The following CACNB2 variants were observed in gnomAD, a reference collection of about 807,000 sequenced individuals.
CACNB2 encodes the protein voltage-dependent L-type calcium channel subunit beta-2.
In CACNB2, 42 loss-of-function variants were observed where a neutral mutation model predicts 73.3. The ratio of observed to expected loss-of-function variants is 0.57; its 90% CI spans 0.45 to 0.74. The LOEUF (loss-of-function observed/expected upper bound fraction) is 0.74. Among genes scored for constraint, CACNB2 ranks in the 30% least tolerant of loss-of-function variants. The probability of loss-of-function intolerance (pLI) is 0.00; values close to 1 mark genes in which losing one functional copy is unlikely to be tolerated. For synonymous variants in CACNB2, 348 were observed against 310.3 expected, an observed-to-expected ratio of 1.12 and a Z score of -1.28; for missense variants, 940 against 853.0, an observed-to-expected ratio of 1.10 and a Z score of -1.27.
intron 2 of CACNB2, among the ~76,000 whole-genome samples, chr10:18,387,484 C>T (rs569962473): frequency 2.6e-5 from 4 of 152,256 alleles, no homozygotes; most frequent in African/African-American, 9.6e-5. Context: ...TCCCTGCCCT[C>T]CTTTGAGTAT....
At chr10:18,154,008 T>C (rs184800770) in intron 2 of CACNB2, among the ~76,000 whole-genome samples, 8 of 151,826 alleles carry the variant, frequency 5.3e-5, no homozygotes, top group African/African-American at 1.9e-4. Flanking sequence ...CTAGGGAACA[T>C]ATATAATTGG....
chr10:18,333,893 C>T (rs537617439), intron 2 of CACNB2, among the ~76,000 whole-genome samples: 2 of 151,868 alleles, frequency 1.3e-5, no homozygotes, highest in African/African-American at 4.8e-5. Context: ...CTCCTGGCAA[C>T]GTAACATATT....
chr10:18,210,323 G>A (rs755915592), intron 2 of CACNB2, among the ~76,000 whole-genome samples: 1 of 152,180 alleles, frequency 6.6e-6, no homozygotes, highest in African/African-American at 2.4e-5. Context: ...GTGTGTGTAG[G>A]TATACATATA....
intron 2 of CACNB2, among the ~76,000 whole-genome samples, chr10:18,306,826 G>T (rs1317732192): frequency 6.6e-6 from 1 of 152,138 alleles, no homozygotes; most frequent in Non-Finnish European, 1.5e-5. Context: ...ACTGCAGAGG[G>T]TTAGAGATCA....
At chr10:18,197,766 C>CA (rs1208610066) in intron 2 of CACNB2, among the ~76,000 whole-genome samples, 4 of 151,678 alleles carry the variant, frequency 2.6e-5, no homozygotes, top group Non-Finnish European at 4.4e-5. Flanking sequence ...TCCTTTGAGC[C>CA]AAAAAAACAG....
chr10:18,290,951 T>C (rs949061612), intron 2 of CACNB2, among the ~76,000 whole-genome samples: 1 of 152,252 alleles, frequency 6.6e-6, no homozygotes, highest in Non-Finnish European at 1.5e-5. Flanking sequence ...GCCTTGCTCT[T>C]CCGTCTGGGG....
chr10:18,358,358 G>A (rs893512681), intron 2 of CACNB2, among the ~76,000 whole-genome samples: 2 of 152,184 alleles, frequency 1.3e-5, no homozygotes, highest in Non-Finnish European at 2.9e-5. Flanking sequence ...AGAGTCCTGG[G>A]ATTACAGGTG....
chr10:18,320,387 A>AT (rs1433337716), intron 2 of CACNB2, among the ~76,000 whole-genome samples: 1 of 152,022 alleles, frequency 6.6e-6, no homozygotes, highest in East Asian at 1.9e-4. Flanking sequence ...TACGAAACAA[A>AT]TTTTTTTTCG....
intron 3 of CACNB2, among the ~76,000 whole-genome samples, chr10:18,437,762 A>G (rs945780703): frequency 1.3e-5 from 2 of 152,176 alleles, no homozygotes; most frequent in Non-Finnish European, 2.9e-5. Context: ...TAAATGTGAC[A>G]TCACCTTATA....
chr10:18,539,983 G>T lies in CACNB2; in HGVS notation c.*259G>T. 2.6e-6 allele frequency: 1 copy of T among 388,224 alleles called. No homozygotes were observed. The allele number at this position is 388,224 out of a possible 1,614,324, so 24.0% of individuals were successfully genotyped here. A position where few individuals can be genotyped will look rare whatever the true frequency, so the allele number is the denominator to read the frequency against. ...ACTGGACTCTTCAAAAACTGTTTTG[G>T]GTAGCTGCCACTTGAACAAAATCTG... On this transcript the variant is annotated 3_prime_UTR_variant, in exon 14 of 14. Transcript: ENST00000324631.
At chr10:18,350,160 G>A (rs879861616) in intron 2 of CACNB2, among the ~76,000 whole-genome samples, 9 of 152,106 alleles carry the variant, frequency 5.9e-5, no homozygotes, top group Non-Finnish European at 8.8e-5. Context: ...CAGGAGAATC[G>A]CTTGAACCCA....
chr10:18,266,875 C>T (rs73601557), intron 2 of CACNB2, among the ~76,000 whole-genome samples: 5 of 151,864 alleles, frequency 3.3e-5, no homozygotes, highest in Non-Finnish European at 7.4e-5. Flanking sequence ...GGGAGACAGA[C>T]GAGACTCTAT....
chr10:18,251,312 T>C (rs2037081473), intron 2 of CACNB2, among the ~76,000 whole-genome samples: 1 of 152,048 alleles, frequency 6.6e-6, no homozygotes, highest in African/African-American at 2.4e-5. Flanking sequence ...TGGCATGATC[T>C]CAGCTCACTG....
At chr10:18,212,977 C>T (rs913472631) in intron 2 of CACNB2, among the ~76,000 whole-genome samples, 3 of 152,224 alleles carry the variant, frequency 2.0e-5, no homozygotes, top group Admixed American at 6.5e-5. Context: ...TTAAGTTTCT[C>T]TGCCTTGTGG....
chr10:18,539,733 C>CTTTT lies in CACNB2; in HGVS notation c.*9_*10insTTTT. Reference sequence around the variant, plus strand: ...TTTACATCCGCCAATGAGTTTTGCCCGTTTGTGTTTTTTTTTTTTTTTTTT... The same window carrying CTTTT: ...TTTACATCCGCCAATGAGTTTTGCCCTTTTGTTTGTGTTTTTTTTTTTTTTTTTT... On this transcript the variant is annotated 3_prime_UTR_variant, in exon 14 of 14. Coordinates refer to ENST00000324631, the MANE Select transcript of CACNB2 (RefSeq NM_201596.3). 2.6e-6 allele frequency: 4 copies of CTTTT among 1,563,872 alleles called. No individual in the cohort carries two copies. The highest frequency in any genetic ancestry group is 3.4e-6 in the Non-Finnish European group (4 of 1,167,412).
chr10:18,536,023 A>G, intron 11 of CACNB2, 78 bp from the exon 12 acceptor site: 1 of 836,184 alleles, frequency 1.2e-6, no homozygotes, highest in Non-Finnish European at 2.1e-6. Flanking sequence ...AAGGCCCCAG[A>G]GAAAGGAGTC....
chr10:18,174,735 C>T (rs1031993466), intron 2 of CACNB2, among the ~76,000 whole-genome samples: 1 of 152,036 alleles, frequency 6.6e-6, no homozygotes, highest in Non-Finnish European at 1.5e-5. Context: ...GAGATTTGTT[C>T]TGTTCTGCTT....
intron 2 of CACNB2, among the ~76,000 whole-genome samples, chr10:18,168,482 A>T (rs1258397714): frequency 6.8e-6 from 1 of 146,998 alleles, no homozygotes; most frequent in Non-Finnish European, 1.5e-5. Context: ...CTAGATTTAC[A>T]TCTTTCTTCC....
At chr10:18,534,712 T>C (rs956697666) in intron 11 of CACNB2, among the ~76,000 whole-genome samples, 1 of 152,184 alleles carries the variant, frequency 6.6e-6, no homozygotes. Context: ...TTATTAAATC[T>C]TGACTTTTAA....
Sources: allele counts gnomAD v4.1 joint callset (sites outside exome capture counted in the v4.1 genomes callset), GRCh38; gene constraint gnomAD v4.1.1; transcripts MANE v1.5; gene names NCBI Gene and HGNC (gene_info 2026-07-23, HGNC 2026-07-21).